ADAM7: variants seen among roughly 807,000 people sequenced by gnomAD.
ADAM7 encodes the protein disintegrin and metalloproteinase domain-containing protein 7.
A neutral mutation model predicts 102.9 loss-of-function variants in ADAM7; 97 were observed. That is an observed-to-expected ratio of 0.94 (90% CI 0.80 to 1.12). The LOEUF is 1.12. Among genes scored for constraint, ADAM7 ranks in the 50% most tolerant of loss-of-function variants. ADAM7 has a pLI of 0.00. For missense variants in ADAM7, 991 were observed against 908.7 expected, an observed-to-expected ratio of 1.09 and a Z score of -1.16; for synonymous variants, 334 against 304.4, an observed-to-expected ratio of 1.10 and a Z score of -1.01.
intron 3 of ADAM7, among the ~76,000 whole-genome samples, chr8:24,448,656 G>GTTT (rs869111954): frequency 3.3e-5 from 3 of 90,404 alleles, no homozygotes; most frequent in African/African-American, 9.0e-5. Flanking sequence ...CATTCAGCTT[G>GTTT]TTTATTATTA....
chr8:24,502,847 G>A (rs1016393803), intron 20 of ADAM7, among the ~76,000 whole-genome samples: 1 of 152,010 alleles, frequency 6.6e-6, no homozygotes, highest in African/African-American at 2.4e-5. Context: ...TTGGAAAGAG[G>A]GGGAAAATTC....
At chr8:24,458,133 T>C (rs1184546621) in intron 3 of ADAM7, among the ~76,000 whole-genome samples, 1 of 152,208 alleles carries the variant, frequency 6.6e-6, no homozygotes, top group African/African-American at 2.4e-5. Context: ...TGTGTAACTC[T>C]TCTAATCAGA....
chr8:24,442,358 T>C (rs1818403718), intron 1 of ADAM7, 115 bp from the exon 2 acceptor site: 3 of 758,548 alleles, frequency 4.0e-6, no homozygotes, highest in Non-Finnish European at 7.3e-6. Flanking sequence ...ATAGTGTTGC[T>C]GTCCATGGCT....
chr8:24,452,396 A>G (rs1273633437), intron 3 of ADAM7, among the ~76,000 whole-genome samples: 2 of 148,026 alleles, frequency 1.4e-5, no homozygotes, highest in South Asian at 2.2e-4. Flanking sequence ...TCCCTTTACC[A>G]TTATGTAATG....
intron 7 of ADAM7, among the ~76,000 whole-genome samples, chr8:24,470,937 T>G (rs1819581748): frequency 6.6e-6 from 1 of 152,116 alleles, no homozygotes; most frequent in Non-Finnish European, 1.5e-5. Context: ...GGCATTGTTA[T>G]CAGAGGAGGC....
intron 9 of ADAM7, among the ~76,000 whole-genome samples, chr8:24,483,193 T>C (rs1311216186): frequency 2.0e-5 from 3 of 152,174 alleles, no homozygotes; most frequent in Non-Finnish European, 4.4e-5. Context: ...GGGACCATTT[T>C]TATCATTTTT....
intron 3 of ADAM7, among the ~76,000 whole-genome samples, chr8:24,457,865 T>A (rs1819097057): frequency 7.2e-6 from 1 of 138,374 alleles, no homozygotes; most frequent in Admixed American, 6.9e-5. Context: ...TGTGTGTGAG[T>A]GTGTGTGTGT....
intron 10 of ADAM7, among the ~76,000 whole-genome samples, chr8:24,486,251 C>A (rs115493510): frequency 2.0e-4 from 31 of 151,998 alleles, no homozygotes; most frequent in African/African-American, 6.0e-4. Flanking sequence ...ATCTGATAGC[C>A]CACCTCTTTT....
At chr8:24,492,710 G>T in intron 15 of ADAM7, 113 bp downstream of exon 15, 1 of 693,648 alleles carries the variant, frequency 1.4e-6, no homozygotes. Flanking sequence ...CGGGAGAAGA[G>T]GGAAATAAGA....
chr8:24,452,167 C>A (rs1818820060), intron 3 of ADAM7, among the ~76,000 whole-genome samples: 1 of 151,230 alleles, frequency 6.6e-6, no homozygotes, highest in African/African-American at 2.4e-5. Flanking sequence ...CTGTTAGGTC[C>A]ACTTGGTGCA....
Position 24,509,361 on chromosome 8 carries a change from T to TG in ADAM7, c.*820dup, listed in dbSNP as rs1467729894. 9 of 985,292 alleles carry TG rather than the reference T, an allele frequency of 9.1e-6. No homozygotes were observed. The highest frequency in any genetic ancestry group is 6.2e-5 in the Admixed American group (1 of 16,248). 61.0% of individuals were successfully genotyped at this position (985,292 alleles called of 1,614,324 possible). ...CTCTCCCTATCCGTTTGTTATGGGA[T>TG]GGGGGATTACCCTGGGAATGATTTC... On this transcript the variant is annotated 3_prime_UTR_variant, in exon 22 of 22. Coordinates refer to ENST00000175238, the MANE Select transcript of ADAM7 (RefSeq NM_003817.4).
intron 3 of ADAM7, among the ~76,000 whole-genome samples, chr8:24,458,982 A>C (rs1016800260): frequency 6.6e-6 from 1 of 151,822 alleles, no homozygotes; most frequent in Non-Finnish European, 1.5e-5. Context: ...ACTGATGGCT[A>C]TTCTGTGTTT....
chr8:24,503,014 C>G (rs1046278587), intron 20 of ADAM7, among the ~76,000 whole-genome samples: 14 of 152,168 alleles, frequency 9.2e-5, no homozygotes, highest in African/African-American at 3.4e-4. Context: ...GATAATGCAT[C>G]ATGATCATAT....
chr8:24,479,030 G>A (rs761406049), intron 8 of ADAM7, among the ~76,000 whole-genome samples: 4 of 152,022 alleles, frequency 2.6e-5, no homozygotes, highest in Admixed American at 1.3e-4. Flanking sequence ...TTGTTGGGGA[G>A]TTTTTCTCCA....
chr8:24,461,771 A>C (rs1024966948), intron 3 of ADAM7, among the ~76,000 whole-genome samples: 2 of 57,562 alleles, frequency 3.5e-5, no homozygotes, highest in African/African-American at 1.4e-4. Flanking sequence ...TTCTTATTTT[A>C]AGGATATCAA....
At chr8:24,500,345 G>C in intron 18 of ADAM7, 89 bp downstream of exon 18, 1 of 1,229,906 alleles carries the variant, frequency 8.1e-7, no homozygotes, top group Non-Finnish European at 1.2e-6. Flanking sequence ...CTACTTATTT[G>C]CTGTGTTTTG....
At chr8:24,452,781 G>T (rs1196030646) in intron 3 of ADAM7, among the ~76,000 whole-genome samples, 2 of 151,558 alleles carry the variant, frequency 1.3e-5, no homozygotes, top group Admixed American at 6.6e-5. Context: ...TTTTGCAGTG[G>T]CTGGTACCAG....
At chr8:24,450,314 CTT>C (rs1818733080) in intron 3 of ADAM7, among the ~76,000 whole-genome samples, 1 of 152,146 alleles carries the variant, frequency 6.6e-6, no homozygotes. Context: ...TTTGTATCCT[CTT>C]TTATTTCACT....
chr8:24,443,703 C>T (rs1325492744), intron 2 of ADAM7, among the ~76,000 whole-genome samples: 1 of 152,102 alleles, frequency 6.6e-6, no homozygotes, highest in African/African-American at 2.4e-5. Context: ...TTTGGGAGGC[C>T]GAGGAGGGCA....
Sources: gnomAD v4.1 joint callset for allele counts (sites outside exome capture counted in the v4.1 genomes callset) on GRCh38, gnomAD v4.1.1 for gene constraint, MANE v1.5 for transcripts, NCBI Gene and HGNC (gene_info 2026-07-23, HGNC 2026-07-21) for gene names.